The following CPED1 variants were observed in gnomAD, a reference collection of about 807,000 sequenced individuals.
CPED1 encodes the protein cadherin-like and PC-esterase domain-containing protein 1.
Under a neutral mutation model 128.2 loss-of-function variants are expected in CPED1, and 114 were observed. The ratio of observed to expected loss-of-function variants is 0.89; its 90% CI spans 0.76 to 1.04. The LOEUF is 1.04. CPED1 is among the 50% of genes least tolerant of loss of function. CPED1 has a pLI of 0.00. For missense variants in CPED1, 1,211 were observed against 1,207.1 expected (o/e 1.00, Z -0.05); for synonymous variants, 462 against 426.7 (o/e 1.08, Z -1.02).
chr7:121,092,566 C>T (rs1182880235), intron 5 of CPED1, among the ~76,000 whole-genome samples: 2 of 152,200 alleles, frequency 1.3e-5, no homozygotes, highest in Non-Finnish European at 2.9e-5. Flanking sequence ...AATAACCCTT[C>T]TCTTCTAACT....
At chr7:121,032,510 A>T (rs1792758448) in intron 3 of CPED1, among the ~76,000 whole-genome samples, 1 of 145,404 alleles carries the variant, frequency 6.9e-6, no homozygotes, top group Non-Finnish European at 1.5e-5. Flanking sequence ...CAGGGTGGGG[A>T]ACATCATACC....
At chr7:121,150,330 C>T (rs1350503294) in intron 16 of CPED1, among the ~76,000 whole-genome samples, 1 of 151,764 alleles carries the variant, frequency 6.6e-6, no homozygotes, top group African/African-American at 2.4e-5. Flanking sequence ...CATCAATTCC[C>T]TTAGGATGAT....
At chr7:121,098,906 T>C (rs987620348) in intron 6 of CPED1, among the ~76,000 whole-genome samples, 9 of 149,670 alleles carry the variant, frequency 6.0e-5, no homozygotes, top group African/African-American at 2.0e-4. Context: ...AGAAATATGA[T>C]GTAGAAAAGC....
intron 2 of CPED1, among the ~76,000 whole-genome samples, chr7:121,012,093 C>A (rs1237071207): frequency 6.6e-6 from 1 of 152,162 alleles, no homozygotes; most frequent in African/African-American, 2.4e-5. Context: ...ATGAAGCAAG[C>A]AAGTGATGGG....
At chr7:121,125,462 C>T (rs1442016693) in intron 8 of CPED1, among the ~76,000 whole-genome samples, 1 of 152,028 alleles carries the variant, frequency 6.6e-6, no homozygotes, top group African/African-American at 2.4e-5. Context: ...CCTCTCCTTG[C>T]CCCCCAACCC....
At chr7:121,107,629 A>G (rs1351542407) in intron 7 of CPED1, among the ~76,000 whole-genome samples, 1 of 152,128 alleles carries the variant, frequency 6.6e-6, no homozygotes. Flanking sequence ...AATGGCAGTA[A>G]TTGTCTCCAA....
At chr7:120,993,952 T>TG in intron 2 of CPED1, 1 of 329,758 alleles carries the variant, frequency 3.0e-6, no homozygotes. Flanking sequence ...CGCCCCTGGG[T>TG]GGGGGTCGTC....
At chr7:121,198,924 TCTG>T (rs1445817881) in intron 16 of CPED1, among the ~76,000 whole-genome samples, 3 of 152,154 alleles carry the variant, frequency 2.0e-5, no homozygotes, top group African/African-American at 7.2e-5. Flanking sequence ...GATTCTGACT[TCTG>T]CTTTTTTCCC....
At chr7:121,219,386 T>C (rs771449407) in intron 16 of CPED1, among the ~76,000 whole-genome samples, 28 of 151,984 alleles carry the variant, frequency 1.8e-4, no homozygotes, top group Admixed American at 4.6e-4. Flanking sequence ...CAGGACCACA[T>C]TGGCCCCATC....
intron 3 of CPED1, among the ~76,000 whole-genome samples, chr7:121,027,166 A>T (rs961034896): frequency 1.3e-5 from 2 of 151,966 alleles, no homozygotes; most frequent in African/African-American, 4.8e-5. Flanking sequence ...GTTCAAATGA[A>T]TGTATGAAAT....
intron 2 of CPED1, among the ~76,000 whole-genome samples, chr7:121,005,629 C>T (rs1791992569): frequency 6.6e-6 from 1 of 151,836 alleles, no homozygotes; most frequent in Non-Finnish European, 1.5e-5. Flanking sequence ...GCACATGTAT[C>T]CCAGAACTTA....
intron 22 of CPED1, among the ~76,000 whole-genome samples, chr7:121,279,765 C>A (rs1792410812): frequency 6.6e-6 from 1 of 152,126 alleles, no homozygotes. Flanking sequence ...TAAAATGGAA[C>A]TGCAGAAAGT....
At chr7:121,135,845 AAAT>A (rs1449615307) in intron 13 of CPED1, among the ~76,000 whole-genome samples, 192 bp from the exon 14 acceptor site, 1 of 151,998 alleles carries the variant, frequency 6.6e-6, no homozygotes, top group Admixed American at 6.6e-5. Context: ...TTTCTATTTG[AAAT>A]AATAATTCTT....
At chr7:121,039,138 C>T (rs978484669) in intron 3 of CPED1, among the ~76,000 whole-genome samples, 2 of 152,038 alleles carry the variant, frequency 1.3e-5, no homozygotes, top group Admixed American at 1.3e-4. Flanking sequence ...TGGAATTCTT[C>T]TGCATGAGAG....
intron 6 of CPED1, 132 bp downstream of exon 6, chr7:121,097,963 A>G (rs1277532493): frequency 3.5e-6 from 3 of 858,206 alleles, no homozygotes; most frequent in Non-Finnish European, 5.1e-6. Context: ...ATTTTCAGCT[A>G]TCCTTTTTAA....
At chr7:121,217,773 C>T (rs1479431628) in intron 16 of CPED1, among the ~76,000 whole-genome samples, 1 of 151,944 alleles carries the variant, frequency 6.6e-6, no homozygotes, top group East Asian at 1.9e-4. Flanking sequence ...CACCTGAAAG[C>T]CTGTATAGAA....
At chr7:121,227,722 T>G (rs1798046490) in intron 16 of CPED1, among the ~76,000 whole-genome samples, 1 of 151,942 alleles carries the variant, frequency 6.6e-6, no homozygotes, top group Admixed American at 6.6e-5. Context: ...AAGATAGGAG[T>G]TGTTGTGAGA....
chr7:121,014,674 AGT>A (rs143016077), intron 2 of CPED1, among the ~76,000 whole-genome samples: 2,685 of 152,218 alleles, frequency 0.018, 80 homozygotes, highest in African/African-American at 0.061. Context: ...CATTAAAAAG[AGT>A]GTATTTTAGG....
intron 7 of CPED1, among the ~76,000 whole-genome samples, chr7:121,123,303 T>C (rs1652478475): frequency 6.6e-6 from 1 of 152,142 alleles, no homozygotes; most frequent in Admixed American, 6.6e-5. Flanking sequence ...AGAAGACACA[T>C]TTACCGTTTT....
Sources: allele counts gnomAD v4.1 joint callset (sites outside exome capture counted in the v4.1 genomes callset), GRCh38; gene constraint gnomAD v4.1.1; transcripts MANE v1.5; gene names NCBI Gene and HGNC (gene_info 2026-07-23, HGNC 2026-07-21).